UTY: variants seen among roughly 807,000 people sequenced by gnomAD.
The protein encoded by UTY is histone demethylase UTY.
Under a neutral mutation model 32.5 loss-of-function variants are expected in UTY, and 12 were observed. The ratio of observed to expected loss-of-function variants is 0.37; its 90% CI spans 0.24 to 0.60. The LOEUF is 0.60. Among genes scored for constraint, UTY ranks in the 20% least tolerant of loss-of-function variants. UTY has a pLI of 0.69. For missense variants in UTY, 303 were observed against 299.2 expected (o/e 1.01, Z -0.09); for synonymous variants, 131 against 103.4 (o/e 1.27, Z -1.62).
At chrY:13,394,281 CAT>C in intron 7 of UTY, among the ~76,000 whole-genome samples, 1 of 33,260 alleles carries the variant, frequency 3.0e-5, no homozygotes, top group South Asian at 6.5e-4. Flanking sequence ...ACGTTAAAAA[CAT>C]AATATTTACT....
chrY:13,413,654 C>A, intron 5 of UTY, among the ~76,000 whole-genome samples: 1 of 34,959 alleles, frequency 2.9e-5, no homozygotes, highest in African/African-American at 1.1e-4. Context: ...ACAGCGTTCC[C>A]GTAGTCCAGT....
chrY:13,314,912 A>G (rs750251588), intron 21 of UTY, among the ~76,000 whole-genome samples: 57 of 34,574 alleles, frequency 1.6e-3, no homozygotes, highest in Admixed American at 0.015. Context: ...ATTGGAGAAA[A>G]TACTTGTAAA....
intron 3 of UTY, among the ~76,000 whole-genome samples, chrY:13,460,956 G>A: frequency 3.1e-5 from 1 of 32,748 alleles, no homozygotes; most frequent in South Asian, 6.7e-4. Flanking sequence ...ACACGAGAAA[G>A]ATACATAATT....
At chrY:13,262,038 G>A in intron 27 of UTY, among the ~76,000 whole-genome samples, 1 of 33,166 alleles carries the variant, frequency 3.0e-5, no homozygotes, top group Non-Finnish European at 7.4e-5. Flanking sequence ...CTGGGTATAG[G>A]GATATTACTG....
intron 3 of UTY, among the ~76,000 whole-genome samples, chrY:13,458,354 G>A: frequency 3.1e-5 from 1 of 32,255 alleles, no homozygotes; most frequent in South Asian, 7.1e-4. Context: ...CTTCCACAAT[G>A]GTTGAACTAG....
At chrY:13,387,692 G>A (rs775199734) in intron 8 of UTY, among the ~76,000 whole-genome samples, 564 of 32,546 alleles carry the variant, frequency 0.017, no homozygotes, top group Middle Eastern at 0.042. Context: ...CATCTATAAT[G>A]CCAGCTACTA....
chrY:13,253,495 G>C lies in UTY; in HGVS notation c.4138-2308C>G, dbSNP rs753858536. Among the ~76,000 whole-genome samples the C allele has an allele frequency of 2.7e-4, 9 of 33,339 alleles. No individual in the cohort carries two copies. In the South Asian group the frequency reaches 6.1e-3, roughly 23 times the overall value. 89.4% of individuals were successfully genotyped at this position (33,339 alleles called of 37,273 possible). ...ATTCAGGCGGGAATTCAGCAAGCTA[G>C]ATGAGAGGGTGATATAGAGGCTTGG... On this transcript the variant is annotated intron_variant, in intron 28 of 29. Coordinates refer to ENST00000545955, the MANE Select transcript of UTY (RefSeq NM_001258249.2).
intron 4 of UTY, among the ~76,000 whole-genome samples, chrY:13,415,319 A>G: frequency 3.0e-5 from 1 of 33,877 alleles, no homozygotes; most frequent in Non-Finnish European, 7.4e-5. Flanking sequence ...TAAGAGTGCA[A>G]TCTGTGGTTG....
At chrY:13,321,329 T>C (rs769235642) in intron 21 of UTY, among the ~76,000 whole-genome samples, 33 of 33,455 alleles carry the variant, frequency 9.9e-4, no homozygotes, top group South Asian at 7.3e-3. Flanking sequence ...ATCCTAGCCA[T>C]GAAAGATCAG....
intron 18 of UTY, among the ~76,000 whole-genome samples, chrY:13,328,200 C>G: frequency 3.0e-5 from 1 of 33,538 alleles, no homozygotes; most frequent in Non-Finnish European, 7.4e-5. Context: ...GCACTCCAGC[C>G]TGGCTGACAA....
chrY:13,284,477 C>G, intron 27 of UTY, among the ~76,000 whole-genome samples: 1 of 33,914 alleles, frequency 2.9e-5, no homozygotes, highest in Non-Finnish European at 7.4e-5. Flanking sequence ...AAAGCATCAA[C>G]CTGCTCTTTA....
downstream of UTY, among the ~76,000 whole-genome samples, chrY:13,243,750 T>TA (rs2053925825): frequency 1.3e-3 from 41 of 32,347 alleles, no homozygotes; most frequent in African/African-American, 3.2e-3. Flanking sequence ...ATAATGAGAT[T>TA]AAAAAAAAAT....
At chrY:13,299,563 C>G in intron 25 of UTY, among the ~76,000 whole-genome samples, 1 of 31,916 alleles carries the variant, frequency 3.1e-5, no homozygotes, top group South Asian at 7.0e-4. Flanking sequence ...CAAGATTGCA[C>G]CATTGCACTC....
intron 4 of UTY, among the ~76,000 whole-genome samples, chrY:13,443,121 G>A: frequency 6.1e-5 from 2 of 32,922 alleles, no homozygotes; most frequent in Non-Finnish European, 1.5e-4. Flanking sequence ...GGGGGAATGT[G>A]GAAAGAAAAT....
At chrY:13,301,544 T>C (rs2058373826) in intron 25 of UTY, among the ~76,000 whole-genome samples, 1 of 33,434 alleles carries the variant, frequency 3.0e-5, no homozygotes, top group Non-Finnish European at 7.4e-5. Flanking sequence ...TTTTTAGATA[T>C]CACATTTTTT....
intron 24 of UTY, 89 bp from the exon 25 acceptor site, chrY:13,303,080 T>G: frequency 6.3e-6 from 1 of 158,370 alleles, no homozygotes; most frequent in African/African-American, 8.7e-5. Flanking sequence ...TTTTGAGGAC[T>G]GAGCGAAAAA....
At chrY:13,422,913 C>T (rs2072770706) in intron 4 of UTY, among the ~76,000 whole-genome samples, 2 of 33,579 alleles carry the variant, frequency 6.0e-5, no homozygotes, top group Non-Finnish European at 1.5e-4. Flanking sequence ...AACCAAGATC[C>T]ATAACTACTA....
intron 8 of UTY, among the ~76,000 whole-genome samples, chrY:13,382,720 T>G: frequency 3.0e-5 from 1 of 33,877 alleles, no homozygotes; most frequent in East Asian, 7.7e-4. Flanking sequence ...TTAAAAGGAC[T>G]AATCTTCAAA....
chrY:13,309,258 C>CA (rs2058869116), intron 21 of UTY, among the ~76,000 whole-genome samples: 1 of 33,371 alleles, frequency 3.0e-5, no homozygotes, highest in Admixed American at 2.7e-4. Flanking sequence ...GAAGAAGCCC[C>CA]AAGCCCTCAC....
Sources: allele counts gnomAD v4.1 joint callset (sites outside exome capture counted in the v4.1 genomes callset), GRCh38; gene constraint gnomAD v4.1.1; transcripts MANE v1.5; gene names NCBI Gene and HGNC (gene_info 2026-07-23, HGNC 2026-07-21).